The following PPARGC1B variants were observed in gnomAD, a reference collection of about 807,000 sequenced individuals.
PPARGC1B encodes PPARG coactivator 1 beta.
PPARGC1B carries 34 observed loss-of-function variants against 101.6 expected under a neutral mutation model. That is an observed-to-expected ratio of 0.33 (90% confidence interval 0.25 to 0.45). The LOEUF (loss-of-function observed/expected upper bound fraction) is 0.45. Among genes scored for constraint, PPARGC1B ranks in the 20% least tolerant of loss-of-function variants. The pLI is 1.00. For synonymous variants in PPARGC1B, 548 were observed against 539.3 expected (o/e 1.02, Z -0.22); for missense variants, 1,234 against 1,317.6 (o/e 0.94, Z 0.98).
intron 1 of PPARGC1B, among the ~76,000 whole-genome samples, chr5:149,737,711 A>G (rs978653995): frequency 5.9e-5 from 9 of 152,210 alleles, no homozygotes; most frequent in Non-Finnish European, 1.3e-4. Context: ...TGTTGTGAAG[A>G]GGCCGGGCAC....
At chr5:149,804,716 G>C (rs928263150) in intron 1 of PPARGC1B, among the ~76,000 whole-genome samples, 2 of 152,192 alleles carry the variant, frequency 1.3e-5, no homozygotes, top group Non-Finnish European at 2.9e-5. Flanking sequence ...CCCGTGAGTG[G>C]AAGGATTGGA....
At chr5:149,762,306 G>A (rs1233852824) in intron 1 of PPARGC1B, among the ~76,000 whole-genome samples, 2 of 151,912 alleles carry the variant, frequency 1.3e-5, no homozygotes, top group African/African-American at 2.4e-5. Context: ...CACCATGCCC[G>A]GCTAAGTTTT....
chr5:149,798,179 A>G (rs932142903), intron 1 of PPARGC1B, among the ~76,000 whole-genome samples: 2 of 152,222 alleles, frequency 1.3e-5, no homozygotes, highest in African/African-American at 4.8e-5. Flanking sequence ...TTCTCATTCC[A>G]AAGTCAGCGT....
At chr5:149,749,024 G>T (rs919757596) in intron 1 of PPARGC1B, among the ~76,000 whole-genome samples, 1 of 110,392 alleles carries the variant, frequency 9.1e-6, no homozygotes, top group Non-Finnish European at 1.8e-5. Context: ...AGGAGTGAGT[G>T]GGGGACATGC....
At chr5:149,731,764 A>G (rs1176743240) in intron 1 of PPARGC1B, among the ~76,000 whole-genome samples, 1 of 152,074 alleles carries the variant, frequency 6.6e-6, no homozygotes, top group Non-Finnish European at 1.5e-5. Context: ...CGCGACTTGG[A>G]AGGGACGCCG....
intron 1 of PPARGC1B, among the ~76,000 whole-genome samples, chr5:149,762,853 C>G (rs1236314698): frequency 1.3e-5 from 2 of 152,034 alleles, no homozygotes; most frequent in South Asian, 2.1e-4. Flanking sequence ...ATGGTGTGAT[C>G]AGGGCTCACT....
intron 1 of PPARGC1B, among the ~76,000 whole-genome samples, chr5:149,814,723 C>T (rs139075919): frequency 1.3e-5 from 2 of 152,218 alleles, no homozygotes; most frequent in Non-Finnish European, 2.9e-5. Flanking sequence ...GAATCAATTT[C>T]CAGCAAGATC....
chr5:149,829,870 T>G (rs1758679520), intron 3 of PPARGC1B, among the ~76,000 whole-genome samples: 1 of 151,304 alleles, frequency 6.6e-6, no homozygotes, highest in African/African-American at 2.4e-5. Context: ...ACCCCATCTC[T>G]ACGAAAATAC....
intron 6 of PPARGC1B, among the ~76,000 whole-genome samples, chr5:149,834,986 T>C (rs1325668166): frequency 1.3e-5 from 2 of 152,268 alleles, no homozygotes; most frequent in African/African-American, 2.4e-5. Flanking sequence ...GACAGTGCCC[T>C]GTGGCTTTCA....
chr5:149,778,016 GACAC>G (rs1191077110), intron 1 of PPARGC1B, among the ~76,000 whole-genome samples: 2 of 51,402 alleles, frequency 3.9e-5, no homozygotes, highest in Non-Finnish European at 6.9e-5. Flanking sequence ...CCCCCCCACA[GACAC>G]ACACACAGAG....
chr5:149,803,999 C>T (rs1360785057), intron 1 of PPARGC1B, among the ~76,000 whole-genome samples: 1 of 152,238 alleles, frequency 6.6e-6, no homozygotes, highest in Non-Finnish European at 1.5e-5. Flanking sequence ...GAACCTCTTT[C>T]CCACCAGCTT....
intron 1 of PPARGC1B, among the ~76,000 whole-genome samples, chr5:149,778,187 A>G (rs1401478853): frequency 1.3e-5 from 2 of 150,996 alleles, no homozygotes; most frequent in African/African-American, 4.9e-5. Context: ...GCTCGTATCC[A>G]TGGAGCAGCA....
intron 1 of PPARGC1B, among the ~76,000 whole-genome samples, chr5:149,770,310 A>G (rs1006586168): frequency 1.3e-5 from 2 of 152,150 alleles, no homozygotes; most frequent in Admixed American, 6.5e-5. Context: ...ATTCAAGTTT[A>G]AAAAAAGGCG....
chr5:149,849,689 G>T lies in PPARGC1B; in HGVS notation c.*2131G>T, dbSNP rs1465782288. 2.0e-5 allele frequency: 3 copies of T among 152,192 alleles called. No homozygotes were observed. The highest frequency in any genetic ancestry group is 7.2e-5 in the African/African-American group (3 of 41,434). The allele number at this position is 152,192 out of a possible 1,614,324, so 9.4% of individuals were successfully genotyped here. ...CATATGCTGGCTGGGTTTCATGCTG[G>T]CCTATCCCTGTCTGTGATGTTCCGT... is the stretch of plus-strand genomic sequence containing the variant. On this transcript the variant is annotated 3_prime_UTR_variant, in exon 12 of 12. Transcript: ENST00000309241.
intron 1 of PPARGC1B, among the ~76,000 whole-genome samples, chr5:149,781,986 G>A (rs1399518933): frequency 6.6e-6 from 1 of 151,966 alleles, no homozygotes; most frequent in African/African-American, 2.4e-5. Context: ...TGCATTAAGG[G>A]GAATATGTGC....
intron 1 of PPARGC1B, among the ~76,000 whole-genome samples, chr5:149,806,439 A>T (rs904303718): frequency 5.9e-5 from 9 of 152,078 alleles, no homozygotes; most frequent in African/African-American, 2.2e-4. Context: ...AACAGTGTTT[A>T]CAAGAAAAAG....
At chr5:149,779,478 C>T (rs1173259536) in intron 1 of PPARGC1B, among the ~76,000 whole-genome samples, 1 of 152,160 alleles carries the variant, frequency 6.6e-6, no homozygotes, top group African/African-American at 2.4e-5. Context: ...TTTTATTGAA[C>T]ATCTACTGTA....
chr5:149,843,342 C>T (rs550156283), intron 10 of PPARGC1B, among the ~76,000 whole-genome samples: 48 of 152,214 alleles, frequency 3.2e-4, no homozygotes, highest in South Asian at 1.2e-3. Context: ...CCTATTATAT[C>T]GGCAAACTAA....
chr5:149,799,984 C>T (rs1241142343), intron 1 of PPARGC1B, among the ~76,000 whole-genome samples: 2 of 151,952 alleles, frequency 1.3e-5, no homozygotes, highest in Admixed American at 6.6e-5. Flanking sequence ...CAGGTGTGAG[C>T]CATTGCGCTT....
Sources: gnomAD v4.1 joint callset for allele counts (sites outside exome capture counted in the v4.1 genomes callset) on GRCh38, gnomAD v4.1.1 for gene constraint, MANE v1.5 for transcripts, NCBI Gene and HGNC (gene_info 2026-07-23, HGNC 2026-07-21) for gene names.